Variants in DDB1 observed in about 807,000 individuals in gnomAD.
The protein encoded by DDB1 is damage specific DNA binding protein 1.
DDB1 carries 18 observed loss-of-function variants against 133.1 expected under a neutral mutation model. That is an observed-to-expected ratio of 0.14 (90% CI 0.09 to 0.20). The LOEUF (loss-of-function observed/expected upper bound fraction) is 0.20. Among genes scored for constraint, DDB1 ranks in the 10% least tolerant of loss-of-function variants. DDB1 has a pLI of 1.00. For synonymous variants in DDB1, 580 were observed against 550.5 expected (o/e 1.05, Z -0.75); for missense variants, 828 against 1,459.2 (o/e 0.57, Z 7.05).
chr11:61,314,700 C>T, intron 12 of DDB1: 1 of 485,476 alleles, frequency 2.1e-6, no homozygotes, highest in East Asian at 3.6e-5. Flanking sequence ...TTACAGCTTA[C>T]AAACCTACAG....
intron 21 of DDB1, among the ~76,000 whole-genome samples, chr11:61,307,374 G>A (rs1855895748): frequency 6.6e-6 from 1 of 152,170 alleles, no homozygotes; most frequent in African/African-American, 2.4e-5. Context: ...TGACTTCCAT[G>A]TTACTAATCT....
At position 61,314,310 on chromosome 11, in the gene DDB1, G is replaced by C. The variant is rs756191879; in HGVS notation, c.1587C>G (p.Ile529Met). ...LQIHPQELRQ[I>M]SHTEMEHEVA... ...AGCAGACAGAAAAACACACACACCT[G>C]ATCTGCCGGAGCTCCTGAGGATGGA... Residue 529 changes from isoleucine (I) to methionine (M), a missense_variant and splice_region_variant, in exon 13 of 27, where the codon ATC (isoleucine) becomes ATG (methionine). Ile to Met is a conservative substitution (Grantham distance 10, BLOSUM62 1). Coordinates refer to ENST00000301764, the MANE Select transcript of DDB1 (RefSeq NM_001923.5). 3.7e-6 allele frequency: 6 copies of C among 1,610,274 alleles called. No homozygotes were observed. The highest frequency in any genetic ancestry group is 2.2e-5 in the East Asian group (1 of 44,862).
At chr11:61,313,473 C>A in intron 16 of DDB1, 26 bp downstream of exon 16, 1 of 1,601,590 alleles carries the variant, frequency 6.2e-7, no homozygotes, top group South Asian at 1.1e-5. Flanking sequence ...CAATAGCTCT[C>A]ATTAAATAAG....
chr11:61,312,399 C>A (rs1855988564), intron 16 of DDB1, among the ~76,000 whole-genome samples: 1 of 151,970 alleles, frequency 6.6e-6, no homozygotes, highest in Admixed American at 6.6e-5. Context: ...GGCTGGAGGG[C>A]TTGTCAAAAC....
chr11:61,313,355 G>T, intron 16 of DDB1, 144 bp downstream of exon 16: 1 of 725,682 alleles, frequency 1.4e-6, no homozygotes, highest in Non-Finnish European at 2.2e-6. Context: ...CTATTGGGTA[G>T]CCAGTTTTGA....
chr11:61,323,075 A>G lies in DDB1; in HGVS notation c.941T>C (p.Leu314Ser), dbSNP rs200092392. ...LLGETSIAEC[L>S]TYLDNGVVFV... Reference sequence around the variant, plus strand: ...CACAACACCATTATCAAGGTATGTCAAGCACTCAGCAATAGAGGTCTGGAA... The same window carrying G: ...CACAACACCATTATCAAGGTATGTCGAGCACTCAGCAATAGAGGTCTGGAA... Residue 314 changes from leucine (L) to serine (S), a missense_variant, in exon 8 of 27, where the codon TTG becomes TCG. Leu to Ser is a moderately radical substitution (Grantham distance 145). Coordinates refer to ENST00000301764, the MANE Select transcript of DDB1 (RefSeq NM_001923.5). 52 of 1,613,868 alleles carry G rather than the reference A, an allele frequency of 3.2e-5. No homozygotes were observed. The highest frequency in any genetic ancestry group is 5.1e-6 in the Non-Finnish European group (6 of 1,179,986).
intron 7 of DDB1, 68 bp downstream of exon 7, chr11:61,323,911 G>C (rs1432037899): frequency 7.1e-6 from 11 of 1,547,622 alleles, no homozygotes; most frequent in Non-Finnish European, 9.8e-6. Context: ...TGAGGTGTGG[G>C]ACCACACATT....
At chr11:61,328,978 A>C (rs1336043050) in intron 4 of DDB1, among the ~76,000 whole-genome samples, 1 of 152,244 alleles carries the variant, frequency 6.6e-6, no homozygotes, top group Non-Finnish European at 1.5e-5. Context: ...CATCACCAAG[A>C]CAATTTCTCT....
At chr11:61,306,067 T>A (rs1303239585) in intron 21 of DDB1, among the ~76,000 whole-genome samples, 1 of 152,214 alleles carries the variant, frequency 6.6e-6, no homozygotes, top group African/African-American at 2.4e-5. Flanking sequence ...CAGAATGACA[T>A]ACATCGCTCA....
intron 10 of DDB1, among the ~76,000 whole-genome samples, chr11:61,319,556 C>A (rs58860971): frequency 6.6e-6 from 1 of 152,082 alleles, no homozygotes; most frequent in South Asian, 2.1e-4. Context: ...CTCAGCCTCC[C>A]GAGTAGCTGG....
intron 25 of DDB1, 65 bp downstream of exon 25, chr11:61,302,192 T>C (rs1447698384): frequency 5.0e-6 from 7 of 1,386,384 alleles, no homozygotes; most frequent in Non-Finnish European, 7.2e-6. Context: ...CCGGGTAATG[T>C]GACTCCGTGT....
At chr11:61,318,775 G>A (rs1182492940) in intron 10 of DDB1, among the ~76,000 whole-genome samples, 1 of 152,062 alleles carries the variant, frequency 6.6e-6, no homozygotes. Context: ...CATAGTTATG[G>A]CTTCATTTTT....
chr11:61,322,879 A>C (rs527434242), intron 8 of DDB1, 132 bp downstream of exon 8: 4 of 751,920 alleles, frequency 5.3e-6, no homozygotes, highest in Non-Finnish European at 8.6e-6. Flanking sequence ...TGTTAAATTA[A>C]CCAAGTAGAA....
chr11:61,313,534 G>A lies in DDB1; in HGVS notation c.2034C>T (p.Tyr678=), dbSNP rs1856013014. The change falls in exon 16 of 27, where the codon TAC becomes TAT. Residue 678 remains tyrosine, a synonymous_variant. Transcript: ENST00000301764. ...FSNVNLKEVN[Y]MCPLNSDGYP... ...AGCCATCTGAATTGAGGGGACACAT[G>A]TAGTTCACTTCCTTGAGGTTGACAT... is the stretch of plus-strand genomic sequence containing the variant. 5 of 1,614,204 alleles carry A rather than the reference G, an allele frequency of 3.1e-6. No homozygotes were observed. The highest frequency in any genetic ancestry group is 4.2e-6 in the Non-Finnish European group (5 of 1,180,018).
At chr11:61,325,735 T>C (rs1196047024) in intron 5 of DDB1, 27 bp from the exon 6 acceptor site, 3 of 1,585,524 alleles carry the variant, frequency 1.9e-6, no homozygotes, top group South Asian at 1.1e-5. Context: ...AAAATTAGAA[T>C]GCTCAGCACT....
intron 21 of DDB1, among the ~76,000 whole-genome samples, chr11:61,308,107 G>A (rs1855906217): frequency 6.6e-6 from 1 of 152,130 alleles, no homozygotes; most frequent in Non-Finnish European, 1.5e-5. Flanking sequence ...CCCTCCAGAG[G>A]TTGCCATCAT....
At chr11:61,312,717 G>A (rs1454563635) in intron 16 of DDB1, among the ~76,000 whole-genome samples, 1 of 151,944 alleles carries the variant, frequency 6.6e-6, no homozygotes, top group African/African-American at 2.4e-5. Context: ...TCCTGCCTCA[G>A]CCTCCTGAGT....
intron 25 of DDB1, chr11:61,302,036 C>A: frequency 4.5e-6 from 2 of 441,126 alleles, no homozygotes; most frequent in African/African-American, 2.0e-5. Flanking sequence ...CAAGATGGAC[C>A]AGCGGAAGCT....
At chr11:61,322,791 G>A (rs1856204439) in intron 8 of DDB1, 1 of 564,630 alleles carries the variant, frequency 1.8e-6, no homozygotes, top group African/African-American at 1.9e-5. Flanking sequence ...GTTCATCAAT[G>A]TATCCACAGC....
Sources: gnomAD v4.1 joint callset for allele counts (sites outside exome capture counted in the v4.1 genomes callset) on GRCh38, gnomAD v4.1.1 for gene constraint, MANE v1.5 for transcripts, NCBI Gene and HGNC (gene_info 2026-07-23, HGNC 2026-07-21) for gene names.